Variants in CSMD1 observed in about 807,000 individuals in gnomAD.
The protein encoded by CSMD1 is CUB and sushi domain-containing protein 1.
In CSMD1, 213 loss-of-function variants were observed where a neutral mutation model predicts 417.5. That is an observed-to-expected ratio of 0.51 (90% CI 0.46 to 0.57). The LOEUF (loss-of-function observed/expected upper bound fraction) is 0.57, where lower values mean the gene tolerates loss of function less well. Ranked by LOEUF, CSMD1 falls within the 20% of genes least tolerant of loss-of-function variation. CSMD1 has a pLI of 0.00. For synonymous variants in CSMD1, 2,862 were observed against 1,736.8 expected (o/e 1.65, Z -16.11); for missense variants, 6,923 against 4,529.7 (o/e 1.53, Z -15.17).
chr8:3,327,503 T>A (rs563014832), intron 23 of CSMD1, among the ~76,000 whole-genome samples: 2 of 152,292 alleles, frequency 1.3e-5, no homozygotes, highest in Non-Finnish European at 2.9e-5. Context: ...AACATACACA[T>A]CTTTTTATTA....
At chr8:3,417,333 G>A (rs1447301321) in intron 12 of CSMD1, among the ~76,000 whole-genome samples, 1 of 152,100 alleles carries the variant, frequency 6.6e-6, no homozygotes, top group Non-Finnish European at 1.5e-5. Flanking sequence ...TAAAAATAGT[G>A]GAAAACATTT....
intron 17 of CSMD1, among the ~76,000 whole-genome samples, chr8:3,387,924 T>G (rs1430189467): frequency 6.6e-6 from 1 of 152,210 alleles, no homozygotes; most frequent in Admixed American, 6.5e-5. Flanking sequence ...ACAACAACCT[T>G]GAATAATTAA....
intron 3 of CSMD1, among the ~76,000 whole-genome samples, chr8:4,112,436 G>T (rs562407663): frequency 6.6e-6 from 1 of 152,182 alleles, no homozygotes; most frequent in African/African-American, 2.4e-5. Flanking sequence ...AGTAAAAGAG[G>T]ATGTGTTCCC....
At chr8:3,964,646 A>G (rs144237164) in intron 5 of CSMD1, among the ~76,000 whole-genome samples, 185 of 152,326 alleles carry the variant, frequency 1.2e-3, no homozygotes, top group African/African-American at 4.3e-3. Context: ...TAAATTTGCT[A>G]TTCAAGTTGA....
At chr8:4,087,618 A>T (rs1175960169) in intron 3 of CSMD1, among the ~76,000 whole-genome samples, 1 of 151,708 alleles carries the variant, frequency 6.6e-6, no homozygotes, top group Admixed American at 6.6e-5. Flanking sequence ...TCATTCCCAA[A>T]TCTTTCTTCT....
intron 23 of CSMD1, among the ~76,000 whole-genome samples, chr8:3,326,549 C>T (rs984051982): frequency 8.5e-5 from 13 of 152,190 alleles, no homozygotes; most frequent in East Asian, 5.8e-4. Flanking sequence ...ACAGTTGTTA[C>T]ACATTTGTTT....
At chr8:3,315,690 C>G (rs577574359) in intron 23 of CSMD1, among the ~76,000 whole-genome samples, 74 of 152,068 alleles carry the variant, frequency 4.9e-4, no homozygotes, top group African/African-American at 1.6e-3. Context: ...AATGTTTAAA[C>G]AGAAATGTAA....
intron 11 of CSMD1, among the ~76,000 whole-genome samples, chr8:3,476,943 T>TA (rs1002249119): frequency 6.8e-6 from 1 of 147,160 alleles, no homozygotes; most frequent in African/African-American, 2.5e-5. Flanking sequence ...TGTGAATCAG[T>TA]AAGTAGTTCA....
intron 26 of CSMD1, among the ~76,000 whole-genome samples, chr8:3,281,672 G>A (rs555342241): frequency 8.5e-5 from 13 of 152,298 alleles, no homozygotes; most frequent in African/African-American, 2.9e-4. Flanking sequence ...TAGGAATTAG[G>A]AGGAAGGAAG....
chr8:4,836,952 G>A (rs1040875872), intron 1 of CSMD1, among the ~76,000 whole-genome samples: 1 of 152,118 alleles, frequency 6.6e-6, no homozygotes, highest in African/African-American at 2.4e-5. Context: ...GCTGTTGAAA[G>A]GAAACTCTGT....
At chr8:4,574,484 C>T (rs1448616443) in intron 2 of CSMD1, among the ~76,000 whole-genome samples, 2 of 152,158 alleles carry the variant, frequency 1.3e-5, no homozygotes, top group Non-Finnish European at 2.9e-5. Context: ...GTGAAATGAT[C>T]CATGTACCTC....
intron 2 of CSMD1, among the ~76,000 whole-genome samples, chr8:4,442,646 G>T (rs1034486861): frequency 6.6e-6 from 1 of 152,146 alleles, no homozygotes; most frequent in Non-Finnish European, 1.5e-5. Context: ...GGATTCCAGA[G>T]TACTTTTAAA....
chr8:4,016,521 G>C (rs1796531730), intron 4 of CSMD1, among the ~76,000 whole-genome samples: 1 of 152,116 alleles, frequency 6.6e-6, no homozygotes, highest in East Asian at 1.9e-4. Flanking sequence ...TTTTAGTGAA[G>C]GATCTGGGGC....
intron 18 of CSMD1, among the ~76,000 whole-genome samples, chr8:3,381,507 A>G (rs1810623453): frequency 6.6e-6 from 1 of 152,206 alleles, no homozygotes; most frequent in Admixed American, 6.6e-5. Flanking sequence ...ACACATGAAG[A>G]AAACTTGAAT....
At chr8:4,292,620 G>T (rs1287530323) in intron 3 of CSMD1, among the ~76,000 whole-genome samples, 1 of 152,026 alleles carries the variant, frequency 6.6e-6, no homozygotes, top group African/African-American at 2.4e-5. Flanking sequence ...TAAACATGTT[G>T]ATATTTTCTG....
At chr8:3,694,795 G>T (rs1242637437) in intron 7 of CSMD1, among the ~76,000 whole-genome samples, 1 of 151,890 alleles carries the variant, frequency 6.6e-6, no homozygotes, top group South Asian at 2.1e-4. Context: ...AGAAGTAACA[G>T]AAAGTGCAGG....
At chr8:2,995,250 G>C (rs1259197342) in intron 54 of CSMD1, among the ~76,000 whole-genome samples, 1 of 152,162 alleles carries the variant, frequency 6.6e-6, no homozygotes, top group Non-Finnish European at 1.5e-5. Context: ...GGCATGAACA[G>C]ACATTTCACT....
chr8:3,393,847 G>A lies in CSMD1; in HGVS notation c.2593+2347C>T, dbSNP rs534251872. On this transcript the variant is annotated intron_variant, in intron 17 of 69. Coordinates refer to ENST00000635120, the MANE Select transcript of CSMD1 (RefSeq NM_033225.6). ...CACTCTGGGGCCTGTTGTGGGGTGT[G>A]GGGAGGGGGCAGGGATAGCATTAGG... Among the ~76,000 whole-genome samples, 5 of 151,318 alleles carry A rather than the reference G, an allele frequency of 3.3e-5. No homozygotes were observed. The East Asian group carries it at 9.8e-4, about 30-fold the overall frequency.
chr8:3,487,339 C>A (rs1415313193), intron 11 of CSMD1, among the ~76,000 whole-genome samples: 4 of 152,086 alleles, frequency 2.6e-5, no homozygotes, highest in African/African-American at 7.2e-5. Flanking sequence ...GTAGATGGGA[C>A]TACAGGCGCC....
Sources: allele counts gnomAD v4.1 joint callset (sites outside exome capture counted in the v4.1 genomes callset), GRCh38; gene constraint gnomAD v4.1.1; transcripts MANE v1.5; gene names NCBI Gene and HGNC (gene_info 2026-07-23, HGNC 2026-07-21).